The following ASAP1 variants were observed in gnomAD, a reference collection of about 807,000 sequenced individuals.
ASAP1 encodes ArfGAP with SH3 domain, ankyrin repeat and PH domain 1, also known as arf-GAP with SH3 domain, ANK repeat and PH domain-containing protein 1.
A neutral mutation model predicts 145.2 loss-of-function variants in ASAP1; 43 were observed. The observed-to-expected ratio is 0.30, with a 90% confidence interval of 0.23 to 0.38. The LOEUF (loss-of-function observed/expected upper bound fraction) is 0.38, where lower values mean the gene tolerates loss of function less well. Among genes scored for constraint, ASAP1 ranks in the 10% least tolerant of loss-of-function variants. The pLI is 1.00. For missense variants in ASAP1, 1,018 were observed against 1,355.3 expected (o/e 0.75, Z 3.91); for synonymous variants, 546 against 515.5 (o/e 1.06, Z -0.80).
intron 3 of ASAP1, among the ~76,000 whole-genome samples, chr8:130,243,395 TG>T (rs1212785867): frequency 6.6e-6 from 1 of 152,178 alleles, no homozygotes; most frequent in Non-Finnish European, 1.5e-5. Context: ...ACATAGAAGA[TG>T]CTTTGTAAGG....
At chr8:130,149,264 T>C (rs1441095685) in intron 13 of ASAP1, among the ~76,000 whole-genome samples, 1 of 149,898 alleles carries the variant, frequency 6.7e-6, no homozygotes, top group Non-Finnish European at 1.5e-5. Flanking sequence ...TGGAAGCTGC[T>C]ATCACAATAT....
At chr8:130,363,720 G>A (rs1352588583) in intron 2 of ASAP1, among the ~76,000 whole-genome samples, 4 of 152,202 alleles carry the variant, frequency 2.6e-5, no homozygotes, top group Non-Finnish European at 4.4e-5. Flanking sequence ...CCCTGAGCCT[G>A]GCAGACTCTA....
At chr8:130,232,079 T>G (rs1441345646) in intron 4 of ASAP1, among the ~76,000 whole-genome samples, 3 of 151,966 alleles carry the variant, frequency 2.0e-5, no homozygotes, top group Non-Finnish European at 4.4e-5. Context: ...ATATGGTAGC[T>G]GGCTTCCTCC....
At chr8:130,127,788 T>A in intron 16 of ASAP1, 139 bp downstream of exon 16, 1 of 983,788 alleles carries the variant, frequency 1.0e-6, no homozygotes, top group Admixed American at 3.2e-5. Context: ...GTAGGAAAAA[T>A]CACGTTGGGA....
At chr8:130,273,416 G>A (rs1346365426) in intron 3 of ASAP1, among the ~76,000 whole-genome samples, 1 of 152,076 alleles carries the variant, frequency 6.6e-6, no homozygotes, top group Non-Finnish European at 1.5e-5. Flanking sequence ...AAGTAAGGAA[G>A]CAAAGTAGCA....
At chr8:130,419,952 CTTCT>C (rs369719252) in intron 1 of ASAP1, among the ~76,000 whole-genome samples, 4,040 of 150,074 alleles carry the variant, frequency 0.027, 57 homozygotes, top group Middle Eastern at 0.044. Context: ...CCACCTTCTT[CTTCT>C]TTTTTTTTTT....
At chr8:130,228,712 A>AG (rs1409747838) in intron 4 of ASAP1, among the ~76,000 whole-genome samples, 1 of 151,882 alleles carries the variant, frequency 6.6e-6, no homozygotes, top group East Asian at 1.9e-4. Flanking sequence ...AAAAAAAAAA[A>AG]AAAGAAAAAG....
At chr8:130,175,267 C>T (rs1318989127) in intron 9 of ASAP1, among the ~76,000 whole-genome samples, 1 of 152,052 alleles carries the variant, frequency 6.6e-6, no homozygotes, top group Non-Finnish European at 1.5e-5. Context: ...TGCTTTGTTG[C>T]CTAGGCTGGA....
intron 26 of ASAP1, among the ~76,000 whole-genome samples, chr8:130,078,178 C>T (rs367574829): frequency 3.3e-5 from 5 of 152,042 alleles, no homozygotes; most frequent in East Asian, 3.9e-4. Context: ...TTCGTACAGA[C>T]GGGGTTTCAC....
intron 1 of ASAP1, among the ~76,000 whole-genome samples, chr8:130,406,098 T>C (rs1281637508): frequency 1.3e-5 from 2 of 152,230 alleles, no homozygotes; most frequent in Non-Finnish European, 1.5e-5. Flanking sequence ...TTTTTTGTTG[T>C]TGTTGTTGTT....
chr8:130,118,132 T>C lies in ASAP1; in HGVS notation c.1880+29A>G. 2.5e-6 allele frequency: 4 copies of C among 1,587,186 alleles called. 1 individual carries two copies. The South Asian group carries it at 4.4e-5, about 18-fold the overall frequency. ...TGTTAATTTATAAGGCATATTCAGG[T>C]AATTCAACAGAGAAAACAAAAACGA... On this transcript the variant is annotated intron_variant, in intron 20 of 29. Transcript: ENST00000518721.
At chr8:130,111,210 CAAAAAAAAAAA>C (rs768575084) in intron 24 of ASAP1, among the ~76,000 whole-genome samples, 14 of 41,702 alleles carry the variant, frequency 3.4e-4, no homozygotes, top group African/African-American at 1.3e-3. Context: ...TCATCTCTAC[CAAAAAAAAAAA>C]AAAAAAAAAA....
At chr8:130,242,287 CTTTT>C (rs80098648) in intron 3 of ASAP1, among the ~76,000 whole-genome samples, 1 of 110,942 alleles carries the variant, frequency 9.0e-6, no homozygotes, top group African/African-American at 3.4e-5. Context: ...AAAAAAACAA[CTTTT>C]TTTTTTTTTT....
intron 11 of ASAP1, chr8:130,163,070 T>G (rs925732708): frequency 6.0e-6 from 1 of 167,566 alleles, no homozygotes; most frequent in Non-Finnish European, 1.3e-5. Flanking sequence ...CCTGTGACAA[T>G]GAGATATCTC....
chr8:130,295,437 G>A (rs1822209334), intron 3 of ASAP1, among the ~76,000 whole-genome samples: 1 of 152,058 alleles, frequency 6.6e-6, no homozygotes, highest in Non-Finnish European at 1.5e-5. Context: ...CTAGGTTCAA[G>A]TCAGTTCTGG....
At chr8:130,156,587 T>C (rs757951958) in intron 12 of ASAP1, among the ~76,000 whole-genome samples, 1 of 152,204 alleles carries the variant, frequency 6.6e-6, no homozygotes, top group Non-Finnish European at 1.5e-5. Flanking sequence ...GGGGGTGAAT[T>C]TGTGCCAGTT....
chr8:130,074,119 A>G (rs1276059492), intron 27 of ASAP1, among the ~76,000 whole-genome samples: 3 of 152,132 alleles, frequency 2.0e-5, no homozygotes, highest in Non-Finnish European at 2.9e-5. Context: ...AGTTCTTAAA[A>G]AAAAAAAGGG....
chr8:130,235,519 C>T (rs1818163428), intron 4 of ASAP1, among the ~76,000 whole-genome samples: 2 of 152,044 alleles, frequency 1.3e-5, no homozygotes, highest in Non-Finnish European at 2.9e-5. Flanking sequence ...AAGGGCCTAC[C>T]ACAGTGTGGG....
chr8:130,326,599 G>C (rs1824348639), intron 3 of ASAP1, among the ~76,000 whole-genome samples: 1 of 152,218 alleles, frequency 6.6e-6, no homozygotes, highest in Admixed American at 6.5e-5. Context: ...CTCCACGCTA[G>C]TCAAAGAATA....
Sources: gnomAD v4.1 joint callset for allele counts (sites outside exome capture counted in the v4.1 genomes callset) on GRCh38, gnomAD v4.1.1 for gene constraint, MANE v1.5 for transcripts, NCBI Gene and HGNC (gene_info 2026-07-23, HGNC 2026-07-21) for gene names.